The following NBPF12 variants were observed in gnomAD, a reference collection of about 807,000 sequenced individuals.
The protein encoded by NBPF12 is NBPF family member NBPF12.
NBPF12 carries 115 observed loss-of-function variants against 146.4 expected under a neutral mutation model. The observed-to-expected ratio is 0.79, with a 90% CI of 0.68 to 0.92. NBPF12 has a LOEUF of 0.92. Among genes scored for constraint, NBPF12 ranks in the 40% least tolerant of loss-of-function variants. The pLI is 0.00. For synonymous variants in NBPF12, 385 were observed against 508.9 expected (o/e 0.76, Z 3.28); for missense variants, 1,205 against 1,326.8 (o/e 0.91, Z 1.43).
chr1:146,982,859 T>G, intron 19 of NBPF12, 69 bp from the exon 23 acceptor site: 1 of 1,478,426 alleles, frequency 6.8e-7, no homozygotes, highest in East Asian at 2.3e-5. Context: ...TCAGATCATC[T>G]GGGAGGTTTT....
chr1:146,980,263 T>C (rs1240641181), intron 19 of NBPF12, among the ~76,000 whole-genome samples: 1 of 152,090 alleles, frequency 6.6e-6, no homozygotes, highest in East Asian at 1.9e-4. Flanking sequence ...CTTGACTCTT[T>C]ATCCAATTTG....
chr1:146,992,552 T>C (rs1233506555), intron 31 of NBPF12, among the ~76,000 whole-genome samples, 160 bp from the exon 35 acceptor site: 1 of 141,466 alleles, frequency 7.1e-6, no homozygotes, highest in Admixed American at 7.5e-5. Context: ...CATTTGGCCC[T>C]GTTCTGTCCC....
chr1:146,994,254 G>A (rs2101939902), intron 33 of NBPF12, 78 bp from the exon 37 acceptor site: 1 of 1,609,912 alleles, frequency 6.2e-7, no homozygotes, highest in East Asian at 2.2e-5. Context: ...ACTTCCTTAT[G>A]TTACTTCTGA....
chr1:146,981,296 T>G, intron 19 of NBPF12, among the ~76,000 whole-genome samples: 1 of 104,216 alleles, frequency 9.6e-6, no homozygotes, highest in East Asian at 2.7e-4. Flanking sequence ...AAAAAAAAAA[T>G]ATATATATAT....
intron 4 of NBPF12, among the ~76,000 whole-genome samples, chr1:146,961,252 A>T (rs1655831190): frequency 6.6e-6 from 1 of 151,758 alleles, no homozygotes; most frequent in Non-Finnish European, 1.5e-5. Flanking sequence ...CTTGTTCCTA[A>T]AGAGGAAGAA....
intron 19 of NBPF12, among the ~76,000 whole-genome samples, chr1:146,981,046 C>A (rs1376745288): frequency 7.3e-6 from 1 of 136,590 alleles, no homozygotes; most frequent in African/African-American, 2.8e-5. Flanking sequence ...AACCAAATAC[C>A]GCATGTTCTT....
At chr1:146,967,855 T>G (rs1423445608) in intron 9 of NBPF12, among the ~76,000 whole-genome samples, 2 of 148,218 alleles carry the variant, frequency 1.3e-5, no homozygotes, top group African/African-American at 2.5e-5. Flanking sequence ...ATTCTGTTGT[T>G]TCTAAATTAA....
intron 23 of NBPF12, among the ~76,000 whole-genome samples, 171 bp downstream of exon 26, chr1:146,985,927 T>G (rs1180267231): frequency 2.7e-5 from 4 of 150,674 alleles, no homozygotes; most frequent in African/African-American, 9.8e-5. Context: ...CATTTCTTCC[T>G]CCCCTTGTCA....
rs1389588430 is a variant in NBPF12, at chr1:146,994,790, G to A, written c.*215G>A. The A allele has an allele frequency of 1.5e-5, 13 of 842,732 alleles. 1 individual carries two copies. Among genetic ancestry groups the A allele is most frequent in the African/African-American group, 5.3e-5 (3 of 56,750 alleles). The allele number at this position is 842,732 out of a possible 1,614,324, so 52.2% of individuals were successfully genotyped here. A position where few individuals can be genotyped will look rare whatever the true frequency, so the allele number is the denominator to read the frequency against. ...AGGTGTGACACGTTCACATAACTGTGCAGCACATGCCGGGAGTGATCAGCC... is the reference window on the plus strand; with the variant it reads ...AGGTGTGACACGTTCACATAACTGTACAGCACATGCCGGGAGTGATCAGCC... On this transcript the variant is annotated 3_prime_UTR_variant, in exon 34 of 34. Coordinates refer to ENST00000617844, the Ensembl canonical transcript of NBPF12.
At chr1:146,993,995 A>G (rs1390624316) in intron 33 of NBPF12, among the ~76,000 whole-genome samples, 2 of 77,578 alleles carry the variant, frequency 2.6e-5, no homozygotes, top group Non-Finnish European at 2.4e-5. Flanking sequence ...CACTCTTTTC[A>G]TGATCACAGT....
chr1:146,971,702 A>G (rs1443289127), intron 13 of NBPF12, among the ~76,000 whole-genome samples: 1 of 150,396 alleles, frequency 6.6e-6, no homozygotes, highest in Non-Finnish European at 1.5e-5. Flanking sequence ...AGGTGGGAGG[A>G]TCGGCTAACA....
At chr1:146,967,467 C>A (rs1399848739) in intron 9 of NBPF12, among the ~76,000 whole-genome samples, 1 of 149,304 alleles carries the variant, frequency 6.7e-6, no homozygotes, top group Non-Finnish European at 1.5e-5. Context: ...TGCCATTGCA[C>A]TCCAGCCTGG....
In NBPF12 at chr1:146,994,259, T is replaced by G. The variant is rs1411062920; in HGVS notation, c.4131-73T>G. 2.2e-4 allele frequency: 355 copies of G among 1,610,464 alleles called. 1 individual carries two copies. Among genetic ancestry groups the G allele is most frequent in the Non-Finnish European group, 2.8e-4 (330 of 1,179,360 alleles). ...TTTTCTAACCACTTCCTTATGTTACTTCTGAAATCTAGTGAGGCTCTGTGG... is the reference window on the plus strand; with the variant it reads ...TTTTCTAACCACTTCCTTATGTTACGTCTGAAATCTAGTGAGGCTCTGTGG... On this transcript the variant is annotated intron_variant, in intron 33 of 33. Coordinates refer to ENST00000617844, the Ensembl canonical transcript of NBPF12.
intron 2 of NBPF12, among the ~76,000 whole-genome samples, chr1:146,952,239 G>A (rs1174188509): frequency 1.3e-5 from 2 of 152,112 alleles, no homozygotes; most frequent in African/African-American, 4.8e-5. Flanking sequence ...CAGAAGCAAA[G>A]CATGGCTGAG....
intron 1 of NBPF12, among the ~76,000 whole-genome samples, chr1:146,949,692 G>T (rs1333602506): frequency 7.1e-6 from 1 of 139,920 alleles, no homozygotes; most frequent in Non-Finnish European, 1.5e-5. Context: ...TTTTCCTAGA[G>T]CTCAAGCTAT....
rs1383367808 is a variant in NBPF12, at chr1:146,971,072, C to T, written c.1380-111C>T. ...CCTCTTAAAGGGAACCTCCATTTTG[C>T]TTTCTGGGACCACTCTCTTAATGCC... On this transcript the variant is annotated intron_variant, in intron 12 of 33. Transcript: ENST00000617844. 1,183 of 1,568,616 alleles carry T rather than the reference C, an allele frequency of 7.5e-4. 38 individuals carry two copies. In the African/African-American group the frequency reaches 0.014, roughly 19 times the overall value.
Position 146,971,867 on chromosome 1 carries a change from C to G in NBPF12, c.1591+473C>G, listed in dbSNP as rs1399904611. On this transcript the variant is annotated intron_variant, in intron 13 of 33. Transcript: ENST00000617844. ...GGCCGAGGCGGGTGGATCACGAGGTCAGGAGATTGAGACCATCCTGGCTAA... is the reference window on the plus strand; with the variant it reads ...GGCCGAGGCGGGTGGATCACGAGGTGAGGAGATTGAGACCATCCTGGCTAA... 5.6e-3 allele frequency among the ~76,000 whole-genome samples: 803 copies of G among 143,546 alleles called. 31 individuals carry two copies. The highest frequency in any genetic ancestry group is 0.02 in the African/African-American group (763 of 37,730). The allele number at this position is 143,546 out of a possible 152,430, so 94.2% of individuals were successfully genotyped here. A position where few individuals can be genotyped will look rare whatever the true frequency, so the allele number is the denominator to read the frequency against.
In NBPF12 at chr1:146,980,637, GC is replaced by G. The variant is rs1412443922; in HGVS notation, c.2450+1628del. Among the ~76,000 whole-genome samples the G allele has an allele frequency of 9.0e-4, 136 of 151,924 alleles. 2 individuals carry two copies. The highest frequency in any genetic ancestry group is 6.8e-3 in the Middle Eastern group (2 of 294). On this transcript the variant is annotated intron_variant, in intron 19 of 33. Coordinates refer to ENST00000617844, the Ensembl canonical transcript of NBPF12. ...TCTTTTCTTTAAGAATGTTGAAGGT[GC>G]TGGAGAGGATGTGGAGAAATCGAAC...
At chr1:146,989,426 C>A (rs1294483211) in intron 27 of NBPF12, 148 bp from the exon 31 acceptor site, 6 of 888,700 alleles carry the variant, frequency 6.8e-6, no homozygotes, top group Non-Finnish European at 1.1e-5. Context: ...TGTTCTATCC[C>A]AACATAAAGG....
Sources: allele counts gnomAD v4.1 joint callset (sites outside exome capture counted in the v4.1 genomes callset), GRCh38; gene constraint gnomAD v4.1.1; transcripts MANE v1.5; gene names NCBI Gene and HGNC (gene_info 2026-07-23, HGNC 2026-07-21).